ZNF44: variants seen among roughly 807,000 people sequenced by gnomAD.
ZNF44 encodes the protein zinc finger protein 44, also known as gonadotropin inducible transcription repressor-2.
A neutral mutation model predicts 11.7 loss-of-function variants in ZNF44; 9 were observed. That is an observed-to-expected ratio of 0.77 (90% CI 0.46 to 1.35). ZNF44 has a LOEUF of 1.35. ZNF44 is among the 40% of genes most tolerant of loss of function. The probability of loss-of-function intolerance (pLI) is 0.00; values close to 1 mark genes in which losing one functional copy is unlikely to be tolerated. For synonymous variants in ZNF44, 224 were observed against 242.7 expected (o/e 0.92, Z 0.72); for missense variants, 696 against 743.1 (o/e 0.94, Z 0.74).
chr19:12,246,068 T>C (rs559596025), downstream of ZNF44, among the ~76,000 whole-genome samples: 1 of 152,338 alleles, frequency 6.6e-6, no homozygotes, highest in South Asian at 2.1e-4. Context: ...TGCATCTGTC[T>C]GTCTCCACGC....
intron 1 of ZNF44, among the ~76,000 whole-genome samples, chr19:12,282,444 C>G: frequency 9.7e-6 from 1 of 102,940 alleles, no homozygotes; most frequent in African/African-American, 5.1e-5. Flanking sequence ...TTTTTTGAGA[C>G]GGAGTCTTGC....
chr19:12,293,476 GT>G (rs939124130), intron 1 of ZNF44: 12 of 1,223,492 alleles, frequency 9.8e-6, no homozygotes, highest in East Asian at 2.6e-5. Context: ...CAAAGGTTTG[GT>G]TTTTTTTACA....
Position 12,294,673 on chromosome 19 carries a change from C to G in ZNF44, c.3+19G>C, listed in dbSNP as rs1459315593. The G allele has an allele frequency of 5.1e-6, 8 of 1,559,064 alleles. No individual in the cohort carries two copies. Among genetic ancestry groups the G allele is most frequent in the Admixed American group, 1.9e-5 (1 of 52,520 alleles). On this transcript the variant is annotated intron_variant, in intron 1 of 3. Transcript: ENST00000355684. ...CAGCCCTTCGCCCTGCCTCAGGACGCCGGGCCCCGCACACTCACCATTTCC... is the reference window on the plus strand; with the variant it reads ...CAGCCCTTCGCCCTGCCTCAGGACGGCGGGCCCCGCACACTCACCATTTCC...
intron 1 of ZNF44, among the ~76,000 whole-genome samples, chr19:12,236,906 G>A (rs1036243781): frequency 6.6e-6 from 1 of 152,156 alleles, no homozygotes; most frequent in African/African-American, 2.4e-5. Flanking sequence ...TTGGTTGACA[G>A]ACCAAATAAG....
chr19:12,260,194 AC>A lies in ZNF44; in HGVS notation c.1913-9827del, dbSNP rs1394663705. On this transcript the variant is annotated intron_variant and NMD_transcript_variant, in intron 5 of 7. Transcript: ENST00000393337. Reference sequence around the variant, plus strand: ...GTTTCTGATCAAGAGGACTATGCCGACCTACAGCACCAAGCCCAGTAACTTG... The same window carrying A: ...GTTTCTGATCAAGAGGACTATGCCGACTACAGCACCAAGCCCAGTAACTTG... The A allele has an allele frequency of 2.3e-5, 18 of 771,786 alleles. No individual in the cohort carries two copies. The East Asian group carries it at 4.4e-4, about 19-fold the overall frequency. The allele number at this position is 771,786 out of a possible 1,614,324, so 47.8% of individuals were successfully genotyped here.
At chr19:12,252,587 T>C (rs1331104921) in intron 5 of ZNF44, among the ~76,000 whole-genome samples, 1 of 152,168 alleles carries the variant, frequency 6.6e-6, no homozygotes, top group Non-Finnish European at 1.5e-5. Flanking sequence ...ATAAGTGAAA[T>C]GAGTAACAGC....
chr19:12,233,550 C>CA (rs58060175), intron 2 of ZNF44, among the ~76,000 whole-genome samples: 2,178 of 80,676 alleles, frequency 0.027, 38 homozygotes, highest in Non-Finnish European at 0.036. Context: ...ACCCATACAT[C>CA]AAAAAAAAAA....
chr19:12,249,493 A>G (rs1478586532), intron 7 of ZNF44, among the ~76,000 whole-genome samples: 3 of 147,872 alleles, frequency 2.0e-5, no homozygotes, highest in African/African-American at 7.5e-5. Context: ...GCGACAGAGC[A>G]AGACTCCGTC....
At chr19:12,279,360 A>T (rs189045205) in intron 1 of ZNF44, among the ~76,000 whole-genome samples, 5 of 151,908 alleles carry the variant, frequency 3.3e-5, no homozygotes, top group Middle Eastern at 3.4e-3. Flanking sequence ...GTCTCTATTT[A>T]AAAAAAAGAA....
At chr19:12,247,426 A>G (rs1408734109), downstream of ZNF44, 4 of 1,322,120 alleles carry the variant, frequency 3.0e-6, no homozygotes, top group Admixed American at 6.6e-5. Flanking sequence ...GGTTTTCCAC[A>G]TTCTTTACAT....
chr19:12,257,158 G>A (rs925676589), intron 5 of ZNF44, among the ~76,000 whole-genome samples: 29 of 152,174 alleles, frequency 1.9e-4, no homozygotes, highest in Non-Finnish European at 4.3e-4. Context: ...CAAAGGTGAA[G>A]GTAAACTGCA....
Position 12,272,477 on chromosome 19 carries a change from C to T in ZNF44, c.1778G>A (p.Cys593Tyr). The change falls in exon 4 of 4, where the codon TGT becomes TAT. Residue 593 changes from cysteine (C) to tyrosine (Y), a missense_variant. Physicochemically the swap from Cys to Tyr is radical, Grantham distance 194. Transcript: ENST00000355684. ...TGEKPYECKE[C>Y]GKAFSSLSSF... Reference sequence around the variant, plus strand: ...ACTGAGAGAACTGAAGGCTTTCCCACATTCCTTACATTCATAGGGCTTCTC... The same window carrying T: ...ACTGAGAGAACTGAAGGCTTTCCCATATTCCTTACATTCATAGGGCTTCTC... 6.2e-7 allele frequency: 1 copy of T among 1,602,640 alleles called. No individual in the cohort carries two copies. The highest frequency in any genetic ancestry group is 8.5e-7 in the Non-Finnish European group (1 of 1,176,524).
At chr19:12,227,894 GA>G (rs1412782462) in intron 3 of ZNF44, among the ~76,000 whole-genome samples, 1 of 152,108 alleles carries the variant, frequency 6.6e-6, no homozygotes, top group Non-Finnish European at 1.5e-5. Flanking sequence ...AGTGTGCTAT[GA>G]ATATTAAACT....
rs927139384 is a variant in ZNF44, at chr19:12,247,712, A to G, written c.*1153T>C. On this transcript the variant is annotated 3_prime_UTR_variant and NMD_transcript_variant, in exon 8 of 8. Coordinates refer to the ZNF44 transcript ENST00000393337. ...ATTTGTAGGGTTTCTCTCCAGTATGAGTCCTTTCATGTCTTTGAGCTGAGT... is the reference window on the plus strand; with the variant it reads ...ATTTGTAGGGTTTCTCTCCAGTATGGGTCCTTTCATGTCTTTGAGCTGAGT... The G allele has an allele frequency of 4.4e-6, 6 of 1,350,546 alleles. No individual in the cohort carries two copies. In the African/African-American group the frequency reaches 5.9e-5, roughly 13 times the overall value. The allele number at this position is 1,350,546 out of a possible 1,614,324, so 83.7% of individuals were successfully genotyped here. A position where few individuals can be genotyped will look rare whatever the true frequency, so the allele number is the denominator to read the frequency against.
At chr19:12,277,939 G>C (rs930136741) in intron 1 of ZNF44, among the ~76,000 whole-genome samples, 10 of 152,122 alleles carry the variant, frequency 6.6e-5, no homozygotes, top group Admixed American at 3.3e-4. Flanking sequence ...AACCACCTAG[G>C]ACAACACAAG....
At position 12,272,582 on chromosome 19, in the gene ZNF44, C is replaced by G. The variant is rs1966996139; in HGVS notation, c.1673G>C (p.Arg558Thr). 2.5e-6 allele frequency: 4 copies of G among 1,612,698 alleles called. No individual in the cohort carries two copies. In the Admixed American group the frequency reaches 5.0e-5, roughly 20 times the overall value. Reference protein sequence around the residue: ...LRHERTHTGERPYECKHCGKA... With the variant: ...LRHERTHTGETPYECKHCGKA... ...ACCACAGTGTTTACATTCATAGGGT[C>G]TTTCTCCAGTGTGAGTCCTTTCATG... The change falls in exon 4 of 4, where the codon AGA becomes ACA. Residue 558 changes from arginine (R) to threonine (T), a missense_variant. Coordinates refer to ENST00000355684, the MANE Select transcript of ZNF44 (RefSeq NM_016264.4).
At chr19:12,284,451 G>A (rs892923631) in intron 1 of ZNF44, 13 of 639,752 alleles carry the variant, frequency 2.0e-5, no homozygotes, top group South Asian at 8.9e-5. Flanking sequence ...CCGGGGCCGC[G>A]GAGCTCTGAG....
At chr19:12,227,813 A>G (rs188160242) in intron 3 of ZNF44, among the ~76,000 whole-genome samples, 1 of 152,312 alleles carries the variant, frequency 6.6e-6, no homozygotes, top group East Asian at 1.9e-4. Flanking sequence ...AGAAAGCCAA[A>G]CACCATTTTG....
At chr19:12,282,482 C>T (rs1006602689) in intron 1 of ZNF44, among the ~76,000 whole-genome samples, 2 of 142,706 alleles carry the variant, frequency 1.4e-5, no homozygotes, top group Admixed American at 1.4e-4. Context: ...AGTGCAATAG[C>T]ACGATCTCAG....
Sources: allele counts gnomAD v4.1 joint callset (sites outside exome capture counted in the v4.1 genomes callset), GRCh38; gene constraint gnomAD v4.1.1; transcripts MANE v1.5; gene names NCBI Gene and HGNC (gene_info 2026-07-23, HGNC 2026-07-21).